Variants in NIBAN1 observed in about 807,000 individuals in gnomAD.
NIBAN1 encodes protein Niban 1.
A neutral mutation model predicts 75.1 loss-of-function variants in NIBAN1; 81 were observed. The observed-to-expected ratio is 1.08, with a 90% confidence interval of 0.90 to 1.30. The LOEUF is 1.30. NIBAN1 is among the 50% of genes most tolerant of loss of function. NIBAN1 has a pLI of 0.00. For synonymous variants in NIBAN1, 436 were observed against 424.8 expected (o/e 1.03, Z -0.32); for missense variants, 1,133 against 1,128.1 (o/e 1.00, Z -0.06).
chr1:184,919,184 A>AAAAC (rs1260657170), intron 1 of NIBAN1, among the ~76,000 whole-genome samples: 1 of 152,226 alleles, frequency 6.6e-6, no homozygotes, highest in Non-Finnish European at 1.5e-5. Context: ...AGACACATTG[A>AAAAC]AAACAAACAA....
At chr1:184,824,054 C>T (rs1325224468) in intron 6 of NIBAN1, among the ~76,000 whole-genome samples, 1 of 152,114 alleles carries the variant, frequency 6.6e-6, no homozygotes, top group Non-Finnish European at 1.5e-5. Context: ...TTAGGGCATA[C>T]AGTAAAATGA....
chr1:184,842,765 A>C (rs1287546495), intron 5 of NIBAN1, among the ~76,000 whole-genome samples: 1 of 36,334 alleles, frequency 2.8e-5, no homozygotes, highest in African/African-American at 1.1e-4. Flanking sequence ...ACTCTGTCTC[A>C]AAAAAAAAAA....
At chr1:184,966,114 G>C (rs1658779569) in intron 1 of NIBAN1, among the ~76,000 whole-genome samples, 1 of 152,220 alleles carries the variant, frequency 6.6e-6, no homozygotes, top group Non-Finnish European at 1.5e-5. Flanking sequence ...GCTAGGATTA[G>C]TGAGGTGGTA....
chr1:184,964,918 T>C (rs913364399), intron 1 of NIBAN1, among the ~76,000 whole-genome samples: 1 of 152,120 alleles, frequency 6.6e-6, no homozygotes, highest in African/African-American at 2.4e-5. Flanking sequence ...CAACCCCCAG[T>C]GAATTAATGG....
At chr1:184,948,665 C>T (rs1200327276) in intron 1 of NIBAN1, among the ~76,000 whole-genome samples, 2 of 152,016 alleles carry the variant, frequency 1.3e-5, no homozygotes, top group African/African-American at 4.8e-5. Context: ...ACAGGATATA[C>T]GACAGCCAGC....
intron 9 of NIBAN1, among the ~76,000 whole-genome samples, chr1:184,814,939 T>C (rs1442889406): frequency 6.6e-6 from 1 of 152,198 alleles, no homozygotes; most frequent in Admixed American, 6.5e-5. Flanking sequence ...AAGCTTTTGT[T>C]ATTAAAGGTT....
At chr1:184,808,490 C>G (rs2281684) in intron 9 of NIBAN1, among the ~76,000 whole-genome samples, 2 of 152,166 alleles carry the variant, frequency 1.3e-5, no homozygotes, top group Non-Finnish European at 2.9e-5. Flanking sequence ...GGTGCACCCA[C>G]GGGGACTCCA....
rs1553229156 is a variant in NIBAN1, at chr1:184,931,002, T to TTC, written c.56-31694_56-31693insGA. On this transcript the variant is annotated intron_variant, in intron 1 of 13. Coordinates refer to ENST00000367511, the MANE Select transcript of NIBAN1 (RefSeq NM_052966.4). Reference sequence around the variant, plus strand: ...TAAGTGCACTTTTTCTTCTTCTTTTTTTTTTTTTTTTTTTTGAGACTGAGT... The same window carrying TTC: ...TAAGTGCACTTTTTCTTCTTCTTTTTTCTTTTTTTTTTTTTTTGAGACTGAGT... 2.4e-4 allele frequency among the ~76,000 whole-genome samples: 25 copies of TTC among 105,696 alleles called. 3 individuals are homozygous for TTC. Among genetic ancestry groups the TTC allele is most frequent in the African/African-American group, 1.8e-3 (23 of 12,584 alleles). 69.3% of individuals were successfully genotyped at this position (105,696 alleles called of 152,430 possible). A position where few individuals can be genotyped will look rare whatever the true frequency, so the allele number is the denominator to read the frequency against.
intron 1 of NIBAN1, among the ~76,000 whole-genome samples, chr1:184,939,806 C>T (rs1448384116): frequency 6.6e-6 from 1 of 152,166 alleles, no homozygotes; most frequent in Non-Finnish European, 1.5e-5. Flanking sequence ...TCAATAGGTG[C>T]TAGCTGCTAT....
In NIBAN1 at chr1:184,889,651, C is replaced by G. The variant is rs148397008; in HGVS notation, c.433+457G>C. Among the ~76,000 whole-genome samples, 6 of 152,256 alleles carry G rather than the reference C, an allele frequency of 3.9e-5. No individual in the cohort carries two copies. In the East Asian group the frequency reaches 1.2e-3, roughly 29 times the overall value. ...GCTGCCTTGTGGAGTGCTATCAAAG[C>G]CTGCAATATATTCCAAAAGCTTCAA... On this transcript the variant is annotated intron_variant, in intron 4 of 13. Transcript: ENST00000367511.
chr1:184,918,734 CA>C (rs1657455097), intron 1 of NIBAN1, among the ~76,000 whole-genome samples: 1 of 152,158 alleles, frequency 6.6e-6, no homozygotes, highest in African/African-American at 2.4e-5. Flanking sequence ...CCCATTTCTC[CA>C]ATGTCTACAC....
At chr1:184,823,859 G>A (rs1639392459) in intron 6 of NIBAN1, 117 bp from the exon 7 acceptor site, 4 of 757,844 alleles carry the variant, frequency 5.3e-6, no homozygotes, top group Admixed American at 4.7e-5. Context: ...GAACTCTGTA[G>A]TAGGTTAATA....
At chr1:184,899,117 C>T (rs564402780) in intron 2 of NIBAN1, 62 bp downstream of exon 2, 16 of 1,551,352 alleles carry the variant, frequency 1.0e-5, no homozygotes, top group East Asian at 9.1e-5. Flanking sequence ...TTCAGAAATA[C>T]GGCTGTGCTA....
chr1:184,823,352 A>C, intron 7 of NIBAN1, 23 bp from the exon 8 acceptor site: 1 of 1,613,102 alleles, frequency 6.2e-7, no homozygotes, highest in South Asian at 1.1e-5. Context: ...ATAACACATA[A>C]ATCAGGGCTC....
At chr1:184,822,778 G>A (rs753050486) in intron 8 of NIBAN1, among the ~76,000 whole-genome samples, 15 of 152,204 alleles carry the variant, frequency 9.9e-5, no homozygotes, top group African/African-American at 2.9e-4. Flanking sequence ...TATGCCAGGC[G>A]TGACACCAGG....
chr1:184,943,284 A>T (rs114640022), intron 1 of NIBAN1, among the ~76,000 whole-genome samples: 3 of 152,210 alleles, frequency 2.0e-5, no homozygotes, highest in African/African-American at 7.2e-5. Flanking sequence ...TGGAAAAACA[A>T]GGGGTTTAGC....
At chr1:184,840,217 C>G (rs114925546) in intron 5 of NIBAN1, among the ~76,000 whole-genome samples, 2 of 152,178 alleles carry the variant, frequency 1.3e-5, no homozygotes, top group South Asian at 4.1e-4. Context: ...ATAATTCTTA[C>G]GAGAACCAGC....
At chr1:184,919,318 G>C (rs1187792270) in intron 1 of NIBAN1, among the ~76,000 whole-genome samples, 1 of 152,246 alleles carries the variant, frequency 6.6e-6, no homozygotes, top group Non-Finnish European at 1.5e-5. Context: ...AGTTCCCAAA[G>C]GGAGCGCTGG....
At chr1:184,916,381 T>C (rs887425248) in intron 1 of NIBAN1, among the ~76,000 whole-genome samples, 1 of 152,230 alleles carries the variant, frequency 6.6e-6, no homozygotes, top group African/African-American at 2.4e-5. Flanking sequence ...GCTTACATTT[T>C]AAATTTTCAC....
Sources: gnomAD v4.1 joint callset for allele counts (sites outside exome capture counted in the v4.1 genomes callset) on GRCh38, gnomAD v4.1.1 for gene constraint, MANE v1.5 for transcripts, NCBI Gene and HGNC (gene_info 2026-07-23, HGNC 2026-07-21) for gene names.